BNIP2: variants seen among roughly 807,000 people sequenced by gnomAD.
The protein encoded by BNIP2 is BCL2 interacting protein 2.
In BNIP2, 36 loss-of-function variants were observed where a neutral mutation model predicts 43.4. The observed-to-expected ratio is 0.83, with a 90% CI of 0.64 to 1.10. The LOEUF (loss-of-function observed/expected upper bound fraction) is 1.10. Among genes scored for constraint, BNIP2 ranks in the 50% least tolerant of loss-of-function variants. The pLI is 0.00. For synonymous variants in BNIP2, 146 were observed against 121.0 expected (o/e 1.21, Z -1.35); for missense variants, 417 against 374.1 (o/e 1.11, Z -0.95).
intron 2 of BNIP2, among the ~76,000 whole-genome samples, chr15:59,682,160 C>T (rs1893720865): frequency 6.6e-6 from 1 of 152,070 alleles, no homozygotes; most frequent in Admixed American, 6.6e-5. Context: ...AACACCGTCT[C>T]TATTAAAAAT....
At chr15:59,664,382 T>A (rs1459814204) in intron 9 of BNIP2, among the ~76,000 whole-genome samples, 2 of 152,148 alleles carry the variant, frequency 1.3e-5, no homozygotes, top group East Asian at 3.8e-4. Context: ...ATATAAACTT[T>A]TTTTTTTTCT....
Position 59,679,664 on chromosome 15 carries a change from C to T in BNIP2, c.223G>A (p.Asp75Asn). The T allele has an allele frequency of 6.2e-7, 1 of 1,613,158 alleles. No individual in the cohort carries two copies. Among genetic ancestry groups the T allele is most frequent in the Non-Finnish European group, 8.5e-7 (1 of 1,179,512 alleles). The change falls in exon 4 of 10, where the codon GAT (aspartate) becomes AAT (asparagine). Residue 75 changes from aspartate (D) to asparagine (N), a missense_variant. Transcript: ENST00000607373. ...SDGSVLSDDL[D>N]ESGEIDLDGL... Reference sequence around the variant, plus strand: ...TCTAAGTCAATCTCCCCACTTTCATCCAAATCATCTGACAATACAGAGCCA... The same window carrying T: ...TCTAAGTCAATCTCCCCACTTTCATTCAAATCATCTGACAATACAGAGCCA...
intron 1 of BNIP2, among the ~76,000 whole-genome samples, chr15:59,686,644 T>C (rs1327016085): frequency 6.6e-6 from 1 of 152,204 alleles, no homozygotes; most frequent in Non-Finnish European, 1.5e-5. Flanking sequence ...CAAACATGCT[T>C]GAAAAAATCC....
Position 59,664,190 on chromosome 15 carries a change from A to AT in BNIP2, c.894-71dup, listed in dbSNP as rs1440378415. Reference sequence around the variant, plus strand: ...AATTTTCTTTCTAAAAATAATGACTATTTTAGCATAGAATATTACTCTGTT... The same window carrying AT: ...AATTTTCTTTCTAAAAATAATGACTATTTTTAGCATAGAATATTACTCTGTT... On this transcript the variant is annotated intron_variant, in intron 9 of 9. Transcript: ENST00000607373. 3 of 1,053,946 alleles carry AT rather than the reference A, an allele frequency of 2.8e-6. No individual in the cohort carries two copies. In the African/African-American group the frequency reaches 4.9e-5, roughly 17 times the overall value. The allele number at this position is 1,053,946 out of a possible 1,614,324, so 65.3% of individuals were successfully genotyped here.
rs746618956 is a variant in BNIP2, at chr15:59,682,532, T to C, written c.-57-18A>G. The C allele has an allele frequency of 2.4e-5, 37 of 1,573,596 alleles. 1 individual carries two copies. The African/African-American group carries it at 3.0e-4, about 13-fold the overall frequency. On this transcript the variant is annotated intron_variant, in intron 1 of 9. Coordinates refer to ENST00000607373, the MANE Select transcript of BNIP2 (RefSeq NM_004330.4). ...CCAATGTCCTATGAAGAGAGAAAAA[T>C]GTATAACTTAATTTCCACTTTACTT...
intron 2 of BNIP2, among the ~76,000 whole-genome samples, chr15:59,681,905 A>C (rs1174579714): frequency 6.6e-6 from 1 of 152,220 alleles, no homozygotes; most frequent in African/African-American, 2.4e-5. Context: ...AGTGACCAAA[A>C]CAAAAATGAA....
At chr15:59,685,809 A>T (rs1182918725) in intron 1 of BNIP2, among the ~76,000 whole-genome samples, 1 of 152,204 alleles carries the variant, frequency 6.6e-6, no homozygotes, top group Non-Finnish European at 1.5e-5. Flanking sequence ...GTTTCTTGGA[A>T]GCACTTTATC....
chr15:59,664,199 T>A, intron 9 of BNIP2, 79 bp from the exon 10 acceptor site: 1 of 950,802 alleles, frequency 1.1e-6, no homozygotes, highest in South Asian at 1.7e-5. Context: ...TATTTTAGCA[T>A]AGAATATTAC....
chr15:59,671,145 AT>A (rs1361982118), intron 7 of BNIP2, 37 bp downstream of exon 7: 15 of 1,508,764 alleles, frequency 9.9e-6, no homozygotes, highest in African/African-American at 1.4e-5. Flanking sequence ...CCATTATAAA[AT>A]TTTTTCAGAC....
chr15:59,682,083 C>CT (rs1456148491), intron 2 of BNIP2, among the ~76,000 whole-genome samples: 9 of 152,222 alleles, frequency 5.9e-5, no homozygotes, highest in African/African-American at 2.2e-4. Context: ...AATCCCAGCA[C>CT]TTTGGGAGGC....
At chr15:59,668,781 C>CGT (rs1892719844) in intron 9 of BNIP2, 111 bp downstream of exon 9, 16 of 949,544 alleles carry the variant, frequency 1.7e-5, no homozygotes, top group African/African-American at 1.3e-4. Flanking sequence ...CACGCGCGCG[C>CGT]GCGCACAGTT....
intron 1 of BNIP2, among the ~76,000 whole-genome samples, chr15:59,683,221 G>A (rs570198101): frequency 0.28 from 20 of 72 alleles, no homozygotes; most frequent in Admixed American, 0.5. Context: ...AAGGAATCAC[G>A]TGAGTCCAAT....
At chr15:59,688,428 C>G in intron 1 of BNIP2, 1 of 284,210 alleles carries the variant, frequency 3.5e-6, no homozygotes, top group Non-Finnish European at 6.8e-6. Flanking sequence ...AATGCAATCA[C>G]ATAGTTTATT....
rs1193534459 is a variant in BNIP2 at position 59,689,234 on chromosome 15, C to T, written c.-157G>A. The T allele has an allele frequency of 9.7e-6, 15 of 1,542,072 alleles. No homozygotes were observed. The highest frequency in any genetic ancestry group is 1.4e-5 in the African/African-American group (1 of 72,968). On this transcript the variant is annotated 5_prime_UTR_variant, in exon 1 of 10. Coordinates refer to ENST00000607373, the MANE Select transcript of BNIP2 (RefSeq NM_004330.4). ...AAAAAGCAGGGCCGAGCGGAGCCCG[C>T]TCCCCTCGGTCGGCGGTGGAGACCC...
chr15:59,672,924 G>T (rs971230560), intron 5 of BNIP2, among the ~76,000 whole-genome samples, 185 bp from the exon 6 acceptor site: 10 of 151,914 alleles, frequency 6.6e-5, no homozygotes, highest in Non-Finnish European at 1.2e-4. Context: ...CCCAAAAAGA[G>T]AACAGTAAAA....
At chr15:59,685,828 G>C (rs1005225177) in intron 1 of BNIP2, among the ~76,000 whole-genome samples, 1 of 152,192 alleles carries the variant, frequency 6.6e-6, no homozygotes, top group Non-Finnish European at 1.5e-5. Context: ...TCATCAAACA[G>C]CTGTTAAGAA....
chr15:59,680,370 A>T (rs1330525028), intron 2 of BNIP2, 62 bp from the exon 3 acceptor site: 2 of 1,265,432 alleles, frequency 1.6e-6, no homozygotes, highest in African/African-American at 3.0e-5. Context: ...TTTGAAGTTC[A>T]ATCTATTAAA....
Position 59,661,240 on chromosome 15 carries a change from G to T in BNIP2, c.*2829C>A, listed in dbSNP as rs903883032. On this transcript the variant is annotated 3_prime_UTR_variant, in exon 10 of 10. Transcript: ENST00000607373. ...AGCTACTCAGGAGGCTGAGGCAGGA[G>T]AAATGCTTGAACCCGGGAGGCAGAG... 7.7e-5 allele frequency: 11 copies of T among 143,664 alleles called. No individual in the cohort carries two copies. Among genetic ancestry groups the T allele is most frequent in the African/African-American group, 2.9e-4 (11 of 38,442 alleles). 8.9% of individuals were successfully genotyped at this position (143,664 alleles called of 1,614,324 possible). A position where few individuals can be genotyped will look rare whatever the true frequency, so the allele number is the denominator to read the frequency against.
intron 1 of BNIP2, among the ~76,000 whole-genome samples, chr15:59,682,983 A>G (rs1342648132): frequency 6.6e-6 from 1 of 152,192 alleles, no homozygotes; most frequent in Non-Finnish European, 1.5e-5. Flanking sequence ...GCTGTCTTTC[A>G]TATTTCCTTC....
Sources: allele counts gnomAD v4.1 joint callset (sites outside exome capture counted in the v4.1 genomes callset), GRCh38; gene constraint gnomAD v4.1.1; transcripts MANE v1.5; gene names NCBI Gene and HGNC (gene_info 2026-07-23, HGNC 2026-07-21).